ARSB: variants seen among roughly 807,000 people sequenced by gnomAD.
ARSB encodes the protein arylsulfatase B, also known as N-acetylgalactosamine-4-sulfatase.
ARSB carries 41 observed loss-of-function variants against 50.9 expected under a neutral mutation model. That is an observed-to-expected ratio of 0.81 (90% confidence interval 0.63 to 1.04). ARSB has a LOEUF of 1.04. ARSB is among the 50% of genes least tolerant of loss of function. The pLI, the probability that ARSB is intolerant of heterozygous loss-of-function variation, is 0.00. For missense variants in ARSB, 672 were observed against 693.3 expected (o/e 0.97, Z 0.35); for synonymous variants, 269 against 284.8 (o/e 0.94, Z 0.56).
chr5:78,964,417 T>G lies in ARSB; in HGVS notation c.689A>C (p.Lys230Thr). The G allele has an allele frequency of 1.2e-6, 2 of 1,613,804 alleles. No homozygotes were observed. Among genetic ancestry groups the G allele is most frequent in the Non-Finnish European group, 1.7e-6 (2 of 1,179,716 alleles). ...TCAGTAAATAGAAGCAAAACTTACC[T>G]TCTCTGGTGGATGGTTAGTTATGAG... is the stretch of plus-strand genomic sequence containing the variant. The part of the protein sequence containing the change: ...IALITNHPPE[K>T]PLFLYLALQS... The change falls in exon 3 of 8, where the codon AAG becomes ACG. Residue 230 changes from lysine to threonine, a missense_variant and splice_region_variant. Transcript: ENST00000264914.
intron 4 of ARSB, among the ~76,000 whole-genome samples, chr5:78,910,982 G>A (rs907797095): frequency 2.6e-5 from 4 of 152,072 alleles, no homozygotes; most frequent in Non-Finnish European, 5.9e-5. Context: ...AAAGTCAAGT[G>A]ATCTTACTCT....
intron 5 of ARSB, among the ~76,000 whole-genome samples, chr5:78,867,132 C>A (rs1464316834): frequency 6.6e-6 from 1 of 152,148 alleles, no homozygotes; most frequent in Non-Finnish European, 1.5e-5. Context: ...CGGCGTACCA[C>A]GAGACTATAT....
intron 5 of ARSB, among the ~76,000 whole-genome samples, chr5:78,850,823 C>T (rs909313160): frequency 6.6e-6 from 1 of 152,164 alleles, no homozygotes; most frequent in South Asian, 2.1e-4. Context: ...TCCGTTTCTT[C>T]TAGATTTTCT....
intron 4 of ARSB, among the ~76,000 whole-genome samples, chr5:78,912,903 TAGAA>T (rs1749370603): frequency 6.6e-6 from 1 of 152,158 alleles, no homozygotes; most frequent in Admixed American, 6.5e-5. Flanking sequence ...TTCAAGGCAT[TAGAA>T]AGAAAGAATC....
At chr5:78,784,345 G>T (rs1187060994) in intron 6 of ARSB, among the ~76,000 whole-genome samples, 1 of 152,114 alleles carries the variant, frequency 6.6e-6, no homozygotes, top group Non-Finnish European at 1.5e-5. Context: ...AAGGAAATCG[G>T]TATACTAAAG....
chr5:78,905,968 C>T (rs115504092), intron 4 of ARSB, among the ~76,000 whole-genome samples: 2,211 of 149,480 alleles, frequency 0.015, 29 homozygotes, highest in South Asian at 0.042. Context: ...TCTCACACTC[C>T]GGTCAGAAAT....
chr5:78,985,347 G>A (rs1192725798), upstream of ARSB: 12 of 1,137,064 alleles, frequency 1.1e-5, no homozygotes, highest in Non-Finnish European at 1.3e-5. Flanking sequence ...CCGCCCCGGC[G>A]CGGGACGGCA....
chr5:78,887,543 T>C (rs561122931), intron 4 of ARSB, among the ~76,000 whole-genome samples: 1 of 152,200 alleles, frequency 6.6e-6, no homozygotes, highest in Non-Finnish European at 1.5e-5. Flanking sequence ...ATGATGGAAA[T>C]GAAGTGACAT....
intron 5 of ARSB, chr5:78,884,369 A>C (rs1244097330): frequency 1.2e-5 from 1 of 81,210 alleles, no homozygotes; most frequent in Non-Finnish European, 2.4e-5. Flanking sequence ...GTACATACAT[A>C]CACACACACA....
chr5:78,835,727 T>G (rs934826726), intron 6 of ARSB, among the ~76,000 whole-genome samples: 8 of 151,414 alleles, frequency 5.3e-5, no homozygotes, highest in Admixed American at 1.3e-4. Context: ...TAAGCAGCTT[T>G]GCTCCTTTGA....
chr5:78,937,436 GAT>G (rs927824278), intron 4 of ARSB, among the ~76,000 whole-genome samples: 2 of 128,170 alleles, frequency 1.6e-5, no homozygotes, highest in African/African-American at 3.5e-5. Flanking sequence ...TCATATATAT[GAT>G]ATATATATCT....
chr5:78,939,283 T>A lies in ARSB; in HGVS notation c.898+16012A>T, dbSNP rs963413818. ...TGGTCCAAGCTCTCCTATGTATTTC[T>A]TTTTTTTTTTTTAATACTTTAAGTT... is the stretch of plus-strand genomic sequence containing the variant. On this transcript the variant is annotated intron_variant, in intron 4 of 7. Coordinates refer to ENST00000264914, the MANE Select transcript of ARSB (RefSeq NM_000046.5). 1.0e-3 allele frequency among the ~76,000 whole-genome samples: 25 copies of A among 24,592 alleles called. 1 individual carries two copies. Among genetic ancestry groups the A allele is most frequent in the South Asian group, 9.5e-3 (10 of 1,058 alleles). 16.1% of individuals were successfully genotyped at this position (24,592 alleles called of 152,430 possible).
intron 4 of ARSB, among the ~76,000 whole-genome samples, chr5:78,912,117 T>G (rs1749338123): frequency 6.6e-6 from 1 of 152,154 alleles, no homozygotes; most frequent in Non-Finnish European, 1.5e-5. Flanking sequence ...TGAAACTACC[T>G]CTAATGTAAA....
At chr5:78,895,469 G>A (rs1292690236) in intron 4 of ARSB, among the ~76,000 whole-genome samples, 2 of 152,256 alleles carry the variant, frequency 1.3e-5, no homozygotes, top group Non-Finnish European at 2.9e-5. Flanking sequence ...CTAGCAAAAA[G>A]GTTTATATCC....
intron 5 of ARSB, among the ~76,000 whole-genome samples, chr5:78,855,973 T>C (rs1206968736): frequency 6.6e-6 from 1 of 152,200 alleles, no homozygotes; most frequent in East Asian, 1.9e-4. Context: ...TCAGTTATTT[T>C]TGTTAAAATG....
intron 6 of ARSB, among the ~76,000 whole-genome samples, chr5:78,788,617 A>T (rs767094247): frequency 9.2e-5 from 14 of 152,078 alleles, no homozygotes; most frequent in Admixed American, 3.9e-4. Context: ...TTTTGAGATA[A>T]GGTCTTACAC....
chr5:78,848,456 G>C (rs911322497), intron 5 of ARSB, among the ~76,000 whole-genome samples: 9 of 150,832 alleles, frequency 6.0e-5, no homozygotes, highest in Non-Finnish European at 4.4e-5. Context: ...TCTTAATCCA[G>C]TCTATCATTG....
chr5:78,828,034 T>G (rs990648813), intron 6 of ARSB, among the ~76,000 whole-genome samples: 1 of 152,056 alleles, frequency 6.6e-6, no homozygotes, highest in Non-Finnish European at 1.5e-5. Flanking sequence ...GTTTTAAAAA[T>G]TCTACAAACT....
intron 4 of ARSB, among the ~76,000 whole-genome samples, chr5:78,890,050 T>G (rs1475297712): frequency 6.6e-6 from 1 of 152,170 alleles, no homozygotes; most frequent in African/African-American, 2.4e-5. Flanking sequence ...AGAAGCCTCT[T>G]TGTCCCAGAA....
Sources: gnomAD v4.1 joint callset for allele counts (sites outside exome capture counted in the v4.1 genomes callset) on GRCh38, gnomAD v4.1.1 for gene constraint, MANE v1.5 for transcripts, NCBI Gene and HGNC (gene_info 2026-07-23, HGNC 2026-07-21) for gene names.